The following PPP1R21 variants were observed in gnomAD, a reference collection of about 807,000 sequenced individuals.
PPP1R21 encodes the protein protein phosphatase 1 regulatory subunit 21, also known as KLRAQ motif containing 1.
A neutral mutation model predicts 112.8 loss-of-function variants in PPP1R21; 85 were observed. The observed-to-expected ratio is 0.75, with a 90% CI of 0.63 to 0.90. The LOEUF is 0.90. Among genes scored for constraint, PPP1R21 ranks in the 40% least tolerant of loss-of-function variants. The pLI is 0.00. For missense variants in PPP1R21, 1,199 were observed against 901.5 expected, an observed-to-expected ratio of 1.33 and a Z score of -4.23; for synonymous variants, 381 against 322.3, an observed-to-expected ratio of 1.18 and a Z score of -1.95.
rs373078929 is a variant in PPP1R21 at position 48,471,089 on chromosome 2, C to G, written c.900C>G (p.Phe300Leu). Reference sequence around the variant, plus strand: ...ACAATACTTTCCCTCCTGTTTAGTTCTCACAATACCTTCATGAAAATGCGT... The same window carrying G: ...ACAATACTTTCCCTCCTGTTTAGTTGTCACAATACCTTCATGAAAATGCGT... The part of the protein sequence containing the change: ...IDTISPLNQK[F>L]SQYLHENASY... Residue 300 changes from phenylalanine to leucine, a missense_variant and splice_region_variant, in exon 10 of 22, where the codon TTC becomes TTG. Physicochemically the swap from Phe to Leu is conservative, Grantham distance 22. Coordinates refer to ENST00000294952, the MANE Select transcript of PPP1R21 (RefSeq NM_001135629.3). 1 of 1,598,810 alleles carries G rather than the reference C, an allele frequency of 6.3e-7. No homozygotes were observed. Among genetic ancestry groups the G allele is most frequent in the African/African-American group, 1.3e-5 (1 of 74,656 alleles).
chr2:48,486,171 A>C (rs1189869103), intron 13 of PPP1R21, among the ~76,000 whole-genome samples: 1 of 152,092 alleles, frequency 6.6e-6, no homozygotes, highest in East Asian at 1.9e-4. Flanking sequence ...TAGGGTGTGC[A>C]CTAGGAAACT....
At chr2:48,491,574 C>T (rs1454006961) in intron 15 of PPP1R21, among the ~76,000 whole-genome samples, 1 of 151,870 alleles carries the variant, frequency 6.6e-6, no homozygotes, top group Non-Finnish European at 1.5e-5. Flanking sequence ...GAAGATACTG[C>T]AGTATATTAA....
intron 21 of PPP1R21, among the ~76,000 whole-genome samples, chr2:48,511,814 C>G (rs1210610120): frequency 6.6e-6 from 1 of 151,766 alleles, no homozygotes; most frequent in Non-Finnish European, 1.5e-5. Flanking sequence ...GAGGTTACAG[C>G]AAGCTATGAT....
intron 11 of PPP1R21, 113 bp from the exon 12 acceptor site, chr2:48,474,568 CTT>C: frequency 1.1e-6 from 1 of 931,328 alleles, no homozygotes; most frequent in Admixed American, 2.4e-5. Context: ...AGATCAAATT[CTT>C]TTTTCTGCAA....
At chr2:48,499,983 A>AT (rs1383646326) in intron 17 of PPP1R21, among the ~76,000 whole-genome samples, 2 of 152,154 alleles carry the variant, frequency 1.3e-5, no homozygotes, top group African/African-American at 4.8e-5. Flanking sequence ...CTTGAAAGCC[A>AT]TGGTGCTTCT....
In PPP1R21 at chr2:48,514,791, C is replaced by T. The variant is rs1394326152; in HGVS notation, c.*47C>T. 3.1e-6 allele frequency: 5 copies of T among 1,605,944 alleles called. No individual in the cohort carries two copies. The highest frequency in any genetic ancestry group is 4.3e-6 in the Non-Finnish European group (5 of 1,173,754). ...ACTGTTCTTTCCAGACCTGCTCCTG[C>T]TGCACAGAGCCGCAGGGCTGAGACC... On this transcript the variant is annotated 3_prime_UTR_variant, in exon 22 of 22. Coordinates refer to ENST00000294952, the MANE Select transcript of PPP1R21 (RefSeq NM_001135629.3).
At chr2:48,449,589 C>G (rs1273951551) in intron 1 of PPP1R21, among the ~76,000 whole-genome samples, 1 of 152,150 alleles carries the variant, frequency 6.6e-6, no homozygotes, top group Non-Finnish European at 1.5e-5. Flanking sequence ...ATCTCAGAAT[C>G]TTAGCTAAAT....
chr2:48,462,557 T>C (rs1346333359), intron 7 of PPP1R21, among the ~76,000 whole-genome samples: 1 of 152,020 alleles, frequency 6.6e-6, no homozygotes, highest in Non-Finnish European at 1.5e-5. Context: ...GTATGGTATA[T>C]AGGAGAAAAG....
At chr2:48,460,418 G>C (rs11695150) in intron 6 of PPP1R21, among the ~76,000 whole-genome samples, 41,834 of 151,990 alleles carry the variant, frequency 0.28, 6,104 homozygotes, top group Admixed American at 0.32. Context: ...TGGAGACTTT[G>C]TGTTTGAAAC....
chr2:48,495,531 G>T, intron 15 of PPP1R21, 148 bp from the exon 16 acceptor site: 2 of 561,064 alleles, frequency 3.6e-6, no homozygotes, highest in Middle Eastern at 4.8e-4. Flanking sequence ...AATTATCTTC[G>T]TTTTCACGTG....
At chr2:48,464,912 A>C (rs775034187) in intron 7 of PPP1R21, 25 bp from the exon 8 acceptor site, 1 of 1,546,244 alleles carries the variant, frequency 6.5e-7, no homozygotes, top group Admixed American at 2.2e-5. Flanking sequence ...TGAGAGACTT[A>C]ATGTACATTA....
In PPP1R21 at chr2:48,469,299, GTA is replaced by G. The variant is rs1383375942; in HGVS notation, c.898-1779_898-1778del. On this transcript the variant is annotated intron_variant, in intron 9 of 21. Coordinates refer to ENST00000294952, the MANE Select transcript of PPP1R21 (RefSeq NM_001135629.3). ...TGTGTGTGTGTGTGTGTGTGTGTAT[GTA>G]TATATATACACACACACACATATAT... Among the ~76,000 whole-genome samples, 570 of 67,982 alleles carry G rather than the reference GTA, an allele frequency of 8.4e-3. 53 individuals are homozygous for G. Among genetic ancestry groups the G allele is most frequent in the South Asian group, 0.038 (88 of 2,328 alleles). The allele number at this position is 67,982 out of a possible 152,430, so 44.6% of individuals were successfully genotyped here.
At position 48,478,744 on chromosome 2, in the gene PPP1R21, G is replaced by A. The variant is rs796810922; in HGVS notation, c.1226-1180G>A. Among the ~76,000 whole-genome samples the A allele has an allele frequency of 3.5e-4, 53 of 152,244 alleles. 1 individual carries two copies. Among genetic ancestry groups the A allele is most frequent in the African/African-American group, 1.3e-3 (52 of 41,522 alleles). On this transcript the variant is annotated intron_variant, in intron 12 of 21. Transcript: ENST00000294952. The stretch of plus-strand genomic sequence containing the variant: ...TTTCCTGTTCTCTCTGGTAAACCAG[G>A]CAGCCCACAGTTTAACTTATATCGC...
rs1449727939 is a variant in PPP1R21, at chr2:48,465,496, A to G, written c.751A>G (p.Lys251Glu). 3 of 1,603,736 alleles carry G rather than the reference A, an allele frequency of 1.9e-6. No individual in the cohort carries two copies. The highest frequency in any genetic ancestry group is 1.7e-4 in the Middle Eastern group (1 of 5,996). ...CTATATATTTTTCATTTTAAAGCTG[A>G]AGATGCGAGATATTGCTGGGCAGGC... is the stretch of plus-strand genomic sequence containing the variant. Reference protein sequence around the residue: ...VPLHNRRHQLKMRDIAGQALA... With the variant: ...VPLHNRRHQLEMRDIAGQALA... Residue 251 changes from lysine to glutamate, a missense_variant, in exon 9 of 22, where the codon AAG becomes GAG. Lys to Glu is a moderately conservative substitution (Grantham distance 56). Transcript: ENST00000294952.
chr2:48,456,898 A>G (rs1572837152), intron 3 of PPP1R21, among the ~76,000 whole-genome samples: 2 of 152,200 alleles, frequency 1.3e-5, no homozygotes, highest in South Asian at 4.1e-4. Context: ...TAAAAATACA[A>G]AAAATTAGCC....
At position 48,465,630 on chromosome 2, in the gene PPP1R21, A is replaced by C; in HGVS notation, c.885A>C (p.Pro295=). The change falls in exon 9 of 22, where the codon CCA becomes CCC. Residue 295 remains proline (P), a synonymous_variant. Coordinates refer to ENST00000294952, the MANE Select transcript of PPP1R21 (RefSeq NM_001135629.3). ...PVDSAIDTIS[P]LNQKFSQYLH... ...ATTCTGCCATTGACACTATATCTCC[A>C]TTGAATCAGAAGGTAAATTTAATTC... 6.2e-7 allele frequency: 1 copy of C among 1,610,620 alleles called. No individual in the cohort carries two copies. The highest frequency in any genetic ancestry group is 8.5e-7 in the Non-Finnish European group (1 of 1,179,062).
In PPP1R21 at chr2:48,461,184, G is replaced by A; in HGVS notation, c.646G>A (p.Glu216Lys). 6.3e-7 allele frequency: 1 copy of A among 1,582,336 alleles called. No homozygotes were observed. The highest frequency in any genetic ancestry group is 1.4e-5 in the African/African-American group (1 of 72,408). Residue 216 changes from glutamate (E) to lysine (K), a missense_variant, in exon 7 of 22, where the codon GAG becomes AAG. Glu to Lys is a moderately conservative substitution (Grantham distance 56). Coordinates refer to ENST00000294952, the MANE Select transcript of PPP1R21 (RefSeq NM_001135629.3). ...TCATGAAGATTTGTCAGGTAGATTA[G>A]AGGAATCCTTATCAATCATCAATGA... ...TLHEDLSGRL[E>K]ESLSIINEKV...
chr2:48,456,610 G>A (rs1415512639), intron 3 of PPP1R21, among the ~76,000 whole-genome samples: 1 of 152,172 alleles, frequency 6.6e-6, no homozygotes, highest in Non-Finnish European at 1.5e-5. Context: ...CCCATGTAAT[G>A]GGTAGTTGCC....
chr2:48,484,319 A>G (rs890920582), intron 13 of PPP1R21, among the ~76,000 whole-genome samples: 7 of 152,058 alleles, frequency 4.6e-5, no homozygotes, highest in Admixed American at 2.6e-4. Context: ...CAGCCCTTTC[A>G]AGGAGCATAT....
Sources: allele counts gnomAD v4.1 joint callset (sites outside exome capture counted in the v4.1 genomes callset), GRCh38; gene constraint gnomAD v4.1.1; transcripts MANE v1.5; gene names NCBI Gene and HGNC (gene_info 2026-07-23, HGNC 2026-07-21).